The following CNIH3 variants were observed in gnomAD, a reference collection of about 807,000 sequenced individuals.
CNIH3 encodes the protein cornichon family AMPA receptor auxiliary protein 3.
Under a neutral mutation model 24.1 loss-of-function variants are expected in CNIH3, and 14 were observed. That is an observed-to-expected ratio of 0.58 (90% CI 0.38 to 0.91). The LOEUF is 0.91. Among genes scored for constraint, CNIH3 ranks in the 40% least tolerant of loss-of-function variants. The probability of loss-of-function intolerance (pLI) is 0.00; values close to 1 mark genes in which losing one functional copy is unlikely to be tolerated. For synonymous variants in CNIH3, 68 were observed against 73.8 expected, an observed-to-expected ratio of 0.92 and a Z score of 0.40; for missense variants, 178 against 196.8, an observed-to-expected ratio of 0.90 and a Z score of 0.57.
intron 1 of CNIH3, among the ~76,000 whole-genome samples, chr1:224,676,346 G>A (rs560012534): frequency 1.2e-4 from 19 of 152,254 alleles, no homozygotes; most frequent in Non-Finnish European, 2.4e-4. Flanking sequence ...GGCAGGGGAC[G>A]GGGTGAGACA....
chr1:224,729,151 C>T (rs1224787812), intron 3 of CNIH3, among the ~76,000 whole-genome samples: 1 of 152,038 alleles, frequency 6.6e-6, no homozygotes, highest in Non-Finnish European at 1.5e-5. Flanking sequence ...TGGCTCGTAC[C>T]TGTAATCGCA....
At chr1:224,515,848 G>C (rs1678358479), upstream of CNIH3, 1 of 152,224 alleles carries the variant, frequency 6.6e-6, no homozygotes, top group African/African-American at 2.4e-5. Context: ...CCTGTGACTT[G>C]TGGTCACTGA....
chr1:224,708,130 G>A (rs960233124), intron 3 of CNIH3, among the ~76,000 whole-genome samples: 10 of 152,072 alleles, frequency 6.6e-5, no homozygotes, highest in African/African-American at 2.4e-4. Context: ...TTCTCTCTCA[G>A]CCATGGATGC....
At chr1:224,599,377 T>C (rs1682115537) in intron 3 of CNIH3, among the ~76,000 whole-genome samples, 1 of 152,224 alleles carries the variant, frequency 6.6e-6, no homozygotes, top group South Asian at 2.1e-4. Context: ...TCATATTTAA[T>C]GAATTAGCCT....
At chr1:224,553,354 T>G (rs1416784213) in intron 3 of CNIH3, among the ~76,000 whole-genome samples, 2 of 151,974 alleles carry the variant, frequency 1.3e-5, no homozygotes, top group East Asian at 3.9e-4. Context: ...ACATCCAGGT[T>G]GTTTTCTGCC....
At chr1:224,557,492 G>A (rs955055396) in intron 3 of CNIH3, among the ~76,000 whole-genome samples, 9 of 152,090 alleles carry the variant, frequency 5.9e-5, no homozygotes, top group African/African-American at 1.9e-4. Flanking sequence ...TTTAGACAGA[G>A]TCTCGCTCTG....
At chr1:224,614,265 C>A (rs978609456), upstream of CNIH3, among the ~76,000 whole-genome samples, 1 of 152,198 alleles carries the variant, frequency 6.6e-6, no homozygotes, top group Non-Finnish European at 1.5e-5. Flanking sequence ...AGTATGTAGC[C>A]GGTCCTGACC....
intron 1 of CNIH3, among the ~76,000 whole-genome samples, chr1:224,503,695 C>T (rs2124877108): frequency 6.6e-6 from 1 of 152,346 alleles, no homozygotes; most frequent in African/African-American, 2.4e-5. Context: ...TGTGGTCCTC[C>T]CCCAGGAGAG....
intron 1 of CNIH3, among the ~76,000 whole-genome samples, chr1:224,455,199 T>C (rs1675596554): frequency 6.6e-6 from 1 of 152,112 alleles, no homozygotes; most frequent in Admixed American, 6.6e-5. Flanking sequence ...AAAAACAGAA[T>C]GGTTGTATGG....
At chr1:224,727,370 C>T (rs1365645163) in intron 3 of CNIH3, among the ~76,000 whole-genome samples, 1 of 152,190 alleles carries the variant, frequency 6.6e-6, no homozygotes, top group Non-Finnish European at 1.5e-5. Flanking sequence ...CATGAGTTGC[C>T]TGGGGGCCTC....
chr1:224,505,032 C>CCCTCCCTA (rs1331061119), intron 1 of CNIH3, among the ~76,000 whole-genome samples: 1 of 45,822 alleles, frequency 2.2e-5, no homozygotes, highest in East Asian at 4.7e-4. Flanking sequence ...CTCCCTCCCT[C>CCCTCCCTA]CCTTCCTTCC....
intron 1 of CNIH3, among the ~76,000 whole-genome samples, chr1:224,657,817 T>C (rs888959814): frequency 1.3e-5 from 2 of 152,114 alleles, no homozygotes; most frequent in African/African-American, 4.8e-5. Context: ...TTGAGAAGAA[T>C]CAAAGTAAAA....
At chr1:224,658,712 C>T (rs1685210015) in intron 1 of CNIH3, among the ~76,000 whole-genome samples, 1 of 146,976 alleles carries the variant, frequency 6.8e-6, no homozygotes. Context: ...ACTTGTCTCT[C>T]TCTCCCCTCT....
Position 224,619,198 on chromosome 1 carries a change from C to A in CNIH3, c.81+1943C>A, listed in dbSNP as rs542914163. Among the ~76,000 whole-genome samples, 36 of 152,358 alleles carry A rather than the reference C, an allele frequency of 2.4e-4. No homozygotes were observed. In the South Asian group the frequency reaches 7.3e-3, roughly 31 times the overall value. On this transcript the variant is annotated intron_variant, in intron 1 of 5. Transcript: ENST00000272133. The stretch of plus-strand genomic sequence containing the variant: ...GCAAGTAACCAGAAAGAATCATTTT[C>A]TCTCATTCAGGGAAAGATGATTAAT...
intron 1 of CNIH3, among the ~76,000 whole-genome samples, chr1:224,667,176 C>T (rs1254553505): frequency 6.6e-6 from 1 of 152,208 alleles, no homozygotes; most frequent in Non-Finnish European, 1.5e-5. Flanking sequence ...ATACTGGCAT[C>T]TGACAGCAGG....
chr1:224,732,441 A>G (rs192135122), intron 4 of CNIH3, among the ~76,000 whole-genome samples: 1 of 152,326 alleles, frequency 6.6e-6, no homozygotes, highest in Non-Finnish European at 1.5e-5. Context: ...AGTCAAATAG[A>G]AGATCCAGGA....
chr1:224,575,486 G>C, intron 4 of CNIH3: 1 of 580,168 alleles, frequency 1.7e-6, no homozygotes, highest in Admixed American at 2.7e-5. Flanking sequence ...GTGTCACTCA[G>C]CAGTGGGAGA....
chr1:224,704,869 G>A lies in CNIH3; in HGVS notation c.198+20026G>A, dbSNP rs1490621841. Among the ~76,000 whole-genome samples the A allele has an allele frequency of 6.6e-6, 1 of 152,100 alleles. No individual in the cohort carries two copies. The highest frequency in any genetic ancestry group is 1.5e-5 in the Non-Finnish European group (1 of 68,036). ...TCATGCCTGTAATCCCAGCACTTTG[G>A]GAGACTGAGGTGGGTGGATCACCTG... On this transcript the variant is annotated intron_variant, in intron 3 of 5. Transcript: ENST00000272133. This position sits in a 1 kb window ranked among gnomAD's most constrained non-coding sequence, Gnocchi z 4.2.
At chr1:224,493,402 G>A (rs758971209) in intron 1 of CNIH3, among the ~76,000 whole-genome samples, 3 of 152,168 alleles carry the variant, frequency 2.0e-5, no homozygotes, top group Non-Finnish European at 4.4e-5. Context: ...GTTAATAGGT[G>A]TGTTTATGAT....
Sources: allele counts gnomAD v4.1 joint callset (sites outside exome capture counted in the v4.1 genomes callset), GRCh38; gene constraint gnomAD v4.1.1; non-coding constraint Gnocchi (gnomAD v3.1); transcripts MANE v1.5; gene names NCBI Gene and HGNC (gene_info 2026-07-23, HGNC 2026-07-21).